Variants in CTNNA2 observed in about 807,000 individuals in gnomAD.
CTNNA2 encodes catenin alpha 2, also known as catenin alpha-2.
CTNNA2 carries 42 observed loss-of-function variants against 101.0 expected under a neutral mutation model. That is an observed-to-expected ratio of 0.42 (90% confidence interval 0.32 to 0.54). The LOEUF (loss-of-function observed/expected upper bound fraction) is 0.54, where lower values mean the gene tolerates loss of function less well. Among genes scored for constraint, CTNNA2 ranks in the 20% least tolerant of loss-of-function variants. The pLI is 0.14. For missense variants in CTNNA2, 871 were observed against 1,223.1 expected (o/e 0.71, Z 4.29); for synonymous variants, 450 against 456.4 (o/e 0.99, Z 0.18).
intron 6 of CTNNA2, among the ~76,000 whole-genome samples, chr2:79,903,329 C>T (rs910911228): frequency 6.6e-6 from 1 of 152,024 alleles, no homozygotes; most frequent in Non-Finnish European, 1.5e-5. Flanking sequence ...AGGCTTGATG[C>T]TGTCCTGCCT....
chr2:79,944,372 C>A (rs1574374668), intron 7 of CTNNA2, among the ~76,000 whole-genome samples: 2 of 152,160 alleles, frequency 1.3e-5, no homozygotes, highest in East Asian at 3.8e-4. Flanking sequence ...GTAAACAAGT[C>A]ATATATGTAC....
intron 2 of CTNNA2, among the ~76,000 whole-genome samples, chr2:79,686,767 G>A (rs1328239452): frequency 6.6e-6 from 1 of 152,026 alleles, no homozygotes; most frequent in Non-Finnish European, 1.5e-5. Flanking sequence ...CACACACCCT[G>A]CTACTGTACA....
chr2:79,360,612 A>C (rs1573118913), intron 3 of CTNNA2, among the ~76,000 whole-genome samples: 1 of 152,246 alleles, frequency 6.6e-6, no homozygotes, highest in African/African-American at 2.4e-5. Flanking sequence ...CTAATGAGAC[A>C]GGAAATACTT....
intron 3 of CTNNA2, among the ~76,000 whole-genome samples, chr2:79,761,653 A>C (rs1672795157): frequency 6.6e-6 from 1 of 152,208 alleles, no homozygotes; most frequent in African/African-American, 2.4e-5. Flanking sequence ...ATGCAGATTC[A>C]TGTGGGAGTA....
intron 9 of CTNNA2, among the ~76,000 whole-genome samples, chr2:80,502,364 A>C: frequency 6.6e-6 from 1 of 152,168 alleles, no homozygotes; most frequent in East Asian, 1.9e-4. Context: ...TATTTGTGGA[A>C]ACAGAAAGTC....
chr2:80,071,776 A>G (rs1461814105), intron 7 of CTNNA2, among the ~76,000 whole-genome samples: 1 of 152,156 alleles, frequency 6.6e-6, no homozygotes, highest in Non-Finnish European at 1.5e-5. Context: ...GCTCATCGGC[A>G]GGGGTTGGAG....
At chr2:80,526,833 A>C (rs555644587) in intron 9 of CTNNA2, among the ~76,000 whole-genome samples, 2 of 152,362 alleles carry the variant, frequency 1.3e-5, no homozygotes, top group Admixed American at 6.5e-5. Flanking sequence ...TTTTGAAAGT[A>C]CCTTAAGCAC....
chr2:80,495,578 T>A (rs1277065957), intron 9 of CTNNA2, among the ~76,000 whole-genome samples: 2 of 152,110 alleles, frequency 1.3e-5, no homozygotes, highest in Non-Finnish European at 2.9e-5. Context: ...GGAGATGTAA[T>A]TAAGATGAGG....
chr2:79,406,100 C>A (rs945889088), intron 4 of CTNNA2, among the ~76,000 whole-genome samples: 24 of 151,980 alleles, frequency 1.6e-4, no homozygotes, highest in African/African-American at 5.3e-4. Flanking sequence ...GCAAAAATAT[C>A]AAGAGGAATG....
At chr2:80,319,901 C>T (rs1221650906) in intron 7 of CTNNA2, among the ~76,000 whole-genome samples, 1 of 152,182 alleles carries the variant, frequency 6.6e-6, no homozygotes, top group East Asian at 1.9e-4. Context: ...GTGTCTCTTC[C>T]TGCAGCCTGC....
At chr2:80,121,050 A>T (rs12993774) in intron 7 of CTNNA2, among the ~76,000 whole-genome samples, 4 of 152,326 alleles carry the variant, frequency 2.6e-5, no homozygotes, top group Admixed American at 2.0e-4. Context: ...CTTTGCGTTT[A>T]CAAAAAATGC....
chr2:80,367,006 C>CCTT (rs1559048702), intron 7 of CTNNA2, among the ~76,000 whole-genome samples: 27 of 120,466 alleles, frequency 2.2e-4, no homozygotes, highest in African/African-American at 1.1e-3. Flanking sequence ...CAAATGGTTG[C>CCTT]ATTTTTTTTT....
chr2:80,219,336 G>A (rs1364004500), intron 7 of CTNNA2, among the ~76,000 whole-genome samples: 2 of 152,150 alleles, frequency 1.3e-5, no homozygotes, highest in Non-Finnish European at 2.9e-5. Flanking sequence ...CCAAATTATT[G>A]AGAAACTATT....
intron 7 of CTNNA2, among the ~76,000 whole-genome samples, chr2:80,090,641 T>C (rs1457876981): frequency 6.6e-6 from 1 of 152,068 alleles, no homozygotes; most frequent in Non-Finnish European, 1.5e-5. Context: ...GAATATGAGC[T>C]CAAAATTTCC....
At chr2:79,652,173 G>A (rs1275390844) in intron 2 of CTNNA2, among the ~76,000 whole-genome samples, 1 of 151,352 alleles carries the variant, frequency 6.6e-6, no homozygotes, top group African/African-American at 2.4e-5. Context: ...AGTGTTATAA[G>A]TTATTTTTTA....
intron 7 of CTNNA2, among the ~76,000 whole-genome samples, chr2:80,079,819 A>AAAAT (rs1243102008): frequency 7.1e-5 from 9 of 126,522 alleles, no homozygotes; most frequent in East Asian, 2.2e-4. Flanking sequence ...TCTCAAAAAT[A>AAAAT]AAATAAAATA....
intron 8 of CTNNA2, among the ~76,000 whole-genome samples, chr2:80,397,550 A>G (rs544724098): frequency 6.6e-6 from 1 of 152,144 alleles, no homozygotes; most frequent in East Asian, 1.9e-4. Context: ...ACAAGACCTG[A>G]TGGTTTTATA....
At chr2:80,057,038 T>TA (rs770127015) in intron 7 of CTNNA2, among the ~76,000 whole-genome samples, 3 of 152,216 alleles carry the variant, frequency 2.0e-5, no homozygotes, top group Non-Finnish European at 2.9e-5. Context: ...TTAACTCATT[T>TA]AAAAAATTAA....
chr2:80,387,094 T>C (rs187495372), intron 7 of CTNNA2, among the ~76,000 whole-genome samples: 111 of 152,230 alleles, frequency 7.3e-4, no homozygotes, highest in African/African-American at 8.9e-4. Flanking sequence ...CAAGACCATC[T>C]TGGCTAACAT....
Sources: gnomAD v4.1 joint callset for allele counts (sites outside exome capture counted in the v4.1 genomes callset) on GRCh38, gnomAD v4.1.1 for gene constraint, MANE v1.5 for transcripts, NCBI Gene and HGNC (gene_info 2026-07-23, HGNC 2026-07-21) for gene names.